Variants in PELI2 observed in about 807,000 individuals in gnomAD.
PELI2 encodes E3 ubiquitin-protein ligase pellino homolog 2.
In PELI2, 23 loss-of-function variants were observed where a neutral mutation model predicts 42.3. That is an observed-to-expected ratio of 0.54 (90% CI 0.39 to 0.77). PELI2 has a LOEUF of 0.77. PELI2 is among the 30% of genes least tolerant of loss of function. PELI2 has a pLI of 0.00. For missense variants in PELI2, 463 were observed against 553.2 expected, an observed-to-expected ratio of 0.84 and a Z score of 1.64; for synonymous variants, 245 against 212.2, an observed-to-expected ratio of 1.15 and a Z score of -1.34.
chr14:56,171,210 G>A (rs1885156031), intron 1 of PELI2, among the ~76,000 whole-genome samples: 1 of 152,170 alleles, frequency 6.6e-6, no homozygotes, highest in African/African-American at 2.4e-5. Flanking sequence ...TGAGAGGCGG[G>A]ACCTATAAGA....
rs1358323164 is a variant in PELI2 at position 56,299,932 on chromosome 14, A to G, written c.*2766A>G. The G allele has an allele frequency of 6.6e-6, 1 of 152,600 alleles. No homozygotes were observed. The highest frequency in any genetic ancestry group is 1.5e-5 in the Non-Finnish European group (1 of 68,038). The allele number at this position is 152,600 out of a possible 1,614,324, so 9.5% of individuals were successfully genotyped here. ...AAAAGATTCAGAGTGGATGGAGTAC[A>G]ACTCTGAGTATTTTTCTAGTCCGGA... On this transcript the variant is annotated 3_prime_UTR_variant, in exon 6 of 6. Transcript: ENST00000267460.
chr14:56,237,078 C>T lies in PELI2; in HGVS notation c.208-42598C>T, dbSNP rs554662138. On this transcript the variant is annotated intron_variant, in intron 2 of 5. Transcript: ENST00000267460. ...AATTCTGTCCCCCTTTAGCAAATGT[C>T]CCCTCCTTGCTTCTTGAGATTCCTG... 2.6e-5 allele frequency among the ~76,000 whole-genome samples: 4 copies of T among 152,288 alleles called. No homozygotes were observed. The South Asian group carries it at 8.3e-4, about 32-fold the overall frequency.
intron 2 of PELI2, among the ~76,000 whole-genome samples, chr14:56,229,951 A>G (rs1323668749): frequency 6.6e-6 from 1 of 152,268 alleles, no homozygotes; most frequent in Admixed American, 6.5e-5. Flanking sequence ...TGCGTGATGC[A>G]TGCAGAAGCT....
intron 2 of PELI2, among the ~76,000 whole-genome samples, chr14:56,192,438 GC>G (rs1885981655): frequency 6.6e-6 from 1 of 152,124 alleles, no homozygotes; most frequent in African/African-American, 2.4e-5. Context: ...TTGTTGTGGG[GC>G]CCGTGCTGTG....
chr14:56,194,962 A>G (rs192501619), intron 2 of PELI2, among the ~76,000 whole-genome samples: 46 of 152,350 alleles, frequency 3.0e-4, no homozygotes, highest in Admixed American at 2.9e-3. Context: ...AAAGTATCCT[A>G]TTATTCACTG....
chr14:56,159,907 C>T (rs1884696161), intron 1 of PELI2, among the ~76,000 whole-genome samples: 1 of 151,498 alleles, frequency 6.6e-6, no homozygotes, highest in Non-Finnish European at 1.5e-5. Flanking sequence ...TTGTATGATT[C>T]AATAACAGTA....
At chr14:56,194,110 A>C (rs1886047656) in intron 2 of PELI2, among the ~76,000 whole-genome samples, 1 of 152,190 alleles carries the variant, frequency 6.6e-6, no homozygotes, top group Non-Finnish European at 1.5e-5. Flanking sequence ...TGTACGTCGT[A>C]GGAAGCACTG....
chr14:56,205,353 A>G (rs117354237), intron 2 of PELI2, among the ~76,000 whole-genome samples: 1 of 152,074 alleles, frequency 6.6e-6, no homozygotes, highest in Non-Finnish European at 1.5e-5. Context: ...ACTCATATAT[A>G]TTTTTTAATG....
At chr14:56,220,320 A>G (rs1274102968) in intron 2 of PELI2, among the ~76,000 whole-genome samples, 2 of 152,208 alleles carry the variant, frequency 1.3e-5, no homozygotes, top group Admixed American at 1.3e-4. Context: ...TGTTTGACGC[A>G]CAGATGACAA....
intron 2 of PELI2, among the ~76,000 whole-genome samples, chr14:56,188,599 T>C (rs1885853075): frequency 6.6e-6 from 1 of 152,236 alleles, no homozygotes; most frequent in South Asian, 2.1e-4. Flanking sequence ...AATTTTTCTA[T>C]TATAAATAGC....
At chr14:56,280,801 G>A (rs1046424688) in intron 3 of PELI2, among the ~76,000 whole-genome samples, 3 of 151,942 alleles carry the variant, frequency 2.0e-5, no homozygotes, top group East Asian at 1.9e-4. Context: ...ATTAGAAGTC[G>A]AACTAGAGAC....
At chr14:56,205,690 T>C (rs1886493095) in intron 2 of PELI2, among the ~76,000 whole-genome samples, 1 of 152,230 alleles carries the variant, frequency 6.6e-6, no homozygotes, top group Non-Finnish European at 1.5e-5. Flanking sequence ...TATGTGGAGC[T>C]GAAGACTTGG....
At chr14:56,259,780 T>A (rs781124513) in intron 2 of PELI2, among the ~76,000 whole-genome samples, 2 of 152,174 alleles carry the variant, frequency 1.3e-5, no homozygotes. Context: ...GTACATTTAG[T>A]GGACTTGTAG....
chr14:56,275,159 C>T (rs115807913), intron 2 of PELI2, among the ~76,000 whole-genome samples: 2 of 152,206 alleles, frequency 1.3e-5, no homozygotes, highest in South Asian at 2.1e-4. Context: ...TAAGACTGAA[C>T]GTGTGTTCGA....
At chr14:56,181,446 G>T (rs1433864137) in intron 2 of PELI2, among the ~76,000 whole-genome samples, 1 of 151,298 alleles carries the variant, frequency 6.6e-6, no homozygotes, top group Non-Finnish European at 1.5e-5. Context: ...AATGACAGTG[G>T]TTTGTGTACC....
At chr14:56,158,263 G>T (rs545136330) in intron 1 of PELI2, among the ~76,000 whole-genome samples, 1 of 152,046 alleles carries the variant, frequency 6.6e-6, no homozygotes, top group Admixed American at 6.5e-5. Context: ...CCTGACCTCC[G>T]GTGATTTGCC....
intron 2 of PELI2, among the ~76,000 whole-genome samples, chr14:56,255,407 A>G (rs1375780254): frequency 6.6e-6 from 1 of 152,022 alleles, no homozygotes; most frequent in Non-Finnish European, 1.5e-5. Context: ...AACACCACAT[A>G]TTCTCACTCA....
chr14:56,125,394 G>A (rs1197776387), intron 1 of PELI2, among the ~76,000 whole-genome samples: 2 of 141,858 alleles, frequency 1.4e-5, no homozygotes, highest in African/African-American at 5.1e-5. Flanking sequence ...AGGATAAGGA[G>A]GAAGAGAGTT....
At chr14:56,151,852 C>T (rs1884371374) in intron 1 of PELI2, among the ~76,000 whole-genome samples, 1 of 152,186 alleles carries the variant, frequency 6.6e-6, no homozygotes, top group East Asian at 1.9e-4. Context: ...TTAAGCTGCT[C>T]TTAACAAAGA....
Sources: gnomAD v4.1 joint callset for allele counts (sites outside exome capture counted in the v4.1 genomes callset) on GRCh38, gnomAD v4.1.1 for gene constraint, MANE v1.5 for transcripts, NCBI Gene and HGNC (gene_info 2026-07-23, HGNC 2026-07-21) for gene names.